The following GALM variants were observed in gnomAD, a reference collection of about 807,000 sequenced individuals.
GALM encodes galactose mutarotase.
Under a neutral mutation model 37.4 loss-of-function variants are expected in GALM, and 43 were observed. The observed-to-expected ratio is 1.15, with a 90% CI of 0.90 to 1.48. The LOEUF (loss-of-function observed/expected upper bound fraction) is 1.48. GALM is among the 40% of genes most tolerant of loss of function. GALM has a pLI of 0.00. For synonymous variants in GALM, 199 were observed against 170.6 expected (o/e 1.17, Z -1.30); for missense variants, 456 against 419.1 (o/e 1.09, Z -0.77).
rs550195933 is a variant in GALM at position 38,718,410 on chromosome 2, C to A, written c.635-11146C>A. Among the ~76,000 whole-genome samples the A allele has an allele frequency of 2.0e-5, 3 of 150,802 alleles. 1 individual carries two copies. In the East Asian group the frequency reaches 6.0e-4, roughly 30 times the overall value. The stretch of plus-strand genomic sequence containing the variant: ...GACGGGGTTTCGCTATGTTAGCCAG[C>A]CTGGTCTCGAACTCCTGACCTCAGG... On this transcript the variant is annotated intron_variant, in intron 4 of 6. Coordinates refer to ENST00000272252, the MANE Select transcript of GALM (RefSeq NM_138801.3).
At chr2:38,707,495 C>T (rs1342521316) in intron 4 of GALM, among the ~76,000 whole-genome samples, 2 of 152,182 alleles carry the variant, frequency 1.3e-5, no homozygotes, top group African/African-American at 2.4e-5. Flanking sequence ...AGTGTCAATA[C>T]TCCAGGGAGT....
At chr2:38,720,784 C>G (rs753477351) in intron 4 of GALM, among the ~76,000 whole-genome samples, 2 of 152,178 alleles carry the variant, frequency 1.3e-5, no homozygotes, top group African/African-American at 2.4e-5. Flanking sequence ...TCAGCCAGAA[C>G]AGCCCACACA....
intron 5 of GALM, 32 bp from the exon 6 acceptor site, chr2:38,731,703 C>T (rs1387015293): frequency 1.3e-6 from 2 of 1,590,566 alleles, no homozygotes; most frequent in Non-Finnish European, 1.7e-6. Flanking sequence ...GCTTTTCTGC[C>T]CTGGACTCAT....
intron 1 of GALM, chr2:38,669,642 T>C (rs1665040113): frequency 6.6e-6 from 1 of 152,120 alleles, no homozygotes; most frequent in South Asian, 2.1e-4. Flanking sequence ...CCCAGCACTC[T>C]GGGTGGGTGG....
rs569698509 is a variant in GALM, at chr2:38,694,852, G to A, written c.634+4958G>A. On this transcript the variant is annotated intron_variant, in intron 4 of 6. Transcript: ENST00000272252. The stretch of plus-strand genomic sequence containing the variant: ...GTGGAGGTTGCAGTGAGCCAAGATC[G>A]GGCCACTACACTCCAGCCTGGGCAA... Among the ~76,000 whole-genome samples the A allele has an allele frequency of 3.0e-3, 455 of 149,426 alleles. 3 individuals carry two copies. Among genetic ancestry groups the A allele is most frequent in the Admixed American group, 6.0e-3 (90 of 14,948 alleles).
At chr2:38,726,266 G>T (rs1270422460) in intron 4 of GALM, among the ~76,000 whole-genome samples, 1 of 145,790 alleles carries the variant, frequency 6.9e-6, no homozygotes. Context: ...TCGCTCTGTC[G>T]CCCAGGCTGG....
intron 6 of GALM, among the ~76,000 whole-genome samples, chr2:38,732,156 A>G (rs1457114366): frequency 1.3e-5 from 2 of 152,154 alleles, no homozygotes; most frequent in African/African-American, 2.4e-5. Context: ...TCCTGGGTCC[A>G]AGCGATTCTC....
chr2:38,724,046 G>A (rs953958264), intron 4 of GALM, among the ~76,000 whole-genome samples: 20 of 152,030 alleles, frequency 1.3e-4, no homozygotes, highest in Admixed American at 6.5e-5. Context: ...AGCCTCCAGA[G>A]TAGCTGGGAC....
chr2:38,731,754 G>T lies in GALM; in HGVS notation c.796G>T (p.Gly266Trp), dbSNP rs527668111. The change falls in exon 6 of 7, where the codon GGG becomes TGG. Residue 266 changes from glycine (G) to tryptophan (W), a missense_variant. Gly to Trp is a radical substitution (Grantham distance 184, BLOSUM62 -2). Coordinates refer to ENST00000272252, the MANE Select transcript of GALM (RefSeq NM_138801.3). Reference sequence around the variant, plus strand: ...TACCAGGGTGCATCATGCTGCAAGCGGGCGGGTACTAGAAGTATACACCAC... The same window carrying T: ...TACCAGGGTGCATCATGCTGCAAGCTGGCGGGTACTAGAAGTATACACCAC... ...FCARVHHAAS[G>W]RVLEVYTTQP... is the part of the protein sequence containing the mutation. 9 of 1,613,862 alleles carry T rather than the reference G, an allele frequency of 5.6e-6. No individual in the cohort carries two copies. In the African/African-American group the frequency reaches 1.1e-4, roughly 19 times the overall value.
intron 3 of GALM, among the ~76,000 whole-genome samples, chr2:38,685,890 T>C (rs76642903): frequency 6.6e-6 from 1 of 152,008 alleles, no homozygotes; most frequent in African/African-American, 2.4e-5. Flanking sequence ...TTTTTGTATT[T>C]TTAGTAGAGA....
At chr2:38,692,980 G>C (rs948951572) in intron 4 of GALM, among the ~76,000 whole-genome samples, 2 of 152,178 alleles carry the variant, frequency 1.3e-5, no homozygotes, top group Non-Finnish European at 2.9e-5. Flanking sequence ...GGCCTGGAGA[G>C]GTTGATTGGG....
chr2:38,689,706 T>C, intron 3 of GALM, 107 bp from the exon 4 acceptor site: 1 of 678,458 alleles, frequency 1.5e-6, no homozygotes, highest in Non-Finnish European at 2.6e-6. Context: ...AAACAAGATT[T>C]TAAAAGTTTT....
At chr2:38,725,742 CAG>C (rs1666473490) in intron 4 of GALM, among the ~76,000 whole-genome samples, 1 of 151,668 alleles carries the variant, frequency 6.6e-6, no homozygotes, top group Non-Finnish European at 1.5e-5. Context: ...TTTTTTGAGA[CAG>C]AGTCTCACTC....
At chr2:38,707,688 A>G (rs1666058392) in intron 4 of GALM, among the ~76,000 whole-genome samples, 1 of 152,216 alleles carries the variant, frequency 6.6e-6, no homozygotes, top group Non-Finnish European at 1.5e-5. Flanking sequence ...GCTTTCTTGA[A>G]TACAGAACCC....
At chr2:38,733,220 C>CAA (rs10555489) in intron 6 of GALM, among the ~76,000 whole-genome samples, 4 of 123,554 alleles carry the variant, frequency 3.2e-5, no homozygotes, top group African/African-American at 6.1e-5. Context: ...GACTCCATCT[C>CAA]AAAAAAAAAA....
Position 38,675,858 on chromosome 2 carries a change from C to T in GALM, c.191-54C>T, listed in dbSNP as rs555042365. 81 of 1,576,544 alleles carry T rather than the reference C, an allele frequency of 5.1e-5. 1 individual carries two copies. In the South Asian group the frequency reaches 6.8e-4, roughly 13 times the overall value. On this transcript the variant is annotated intron_variant, in intron 1 of 6. Coordinates refer to ENST00000272252, the MANE Select transcript of GALM (RefSeq NM_138801.3). ...TGCTGGGATTACAGGTGTGAGCCAC[C>T]GTGCCCAGCCTGAATTGAAGTTTTA...
chr2:38,703,989 C>G (rs1380100621), intron 4 of GALM, among the ~76,000 whole-genome samples: 1 of 151,674 alleles, frequency 6.6e-6, no homozygotes, highest in Non-Finnish European at 1.5e-5. Flanking sequence ...GTGCTCCAAC[C>G]TGGGAGACAG....
At chr2:38,684,072 C>G (rs1665467022) in intron 3 of GALM, among the ~76,000 whole-genome samples, 1 of 152,142 alleles carries the variant, frequency 6.6e-6, no homozygotes, top group South Asian at 2.1e-4. Flanking sequence ...CCTTGAGAAG[C>G]ATTATCATAT....
chr2:38,731,032 T>G (rs111393806), intron 5 of GALM, among the ~76,000 whole-genome samples: 1 of 151,618 alleles, frequency 6.6e-6, no homozygotes. Context: ...TCAAGACCAG[T>G]TGGGCCAACA....
Sources: gnomAD v4.1 joint callset for allele counts (sites outside exome capture counted in the v4.1 genomes callset) on GRCh38, gnomAD v4.1.1 for gene constraint, MANE v1.5 for transcripts, NCBI Gene and HGNC (gene_info 2026-07-23, HGNC 2026-07-21) for gene names.